The following KLHDC2 variants were observed in gnomAD, a reference collection of about 807,000 sequenced individuals.
KLHDC2 encodes the protein kelch domain containing 2.
Under a neutral mutation model 62.3 loss-of-function variants are expected in KLHDC2, and 38 were observed. The observed-to-expected ratio is 0.61, with a 90% CI of 0.47 to 0.80. The LOEUF is 0.80. Ranked by LOEUF, KLHDC2 falls within the 30% of genes least tolerant of loss-of-function variation. The pLI is 0.00. For missense variants in KLHDC2, 430 were observed against 495.3 expected (o/e 0.87, Z 1.25); for synonymous variants, 159 against 161.0 (o/e 0.99, Z 0.09).
chr14:49,773,423 A>C (rs1889705422), intron 2 of KLHDC2, among the ~76,000 whole-genome samples: 1 of 149,844 alleles, frequency 6.7e-6, no homozygotes, highest in African/African-American at 2.5e-5. Flanking sequence ...CAAAAAAAAA[A>C]AAAAAAAAAT....
At chr14:49,778,774 A>C (rs1486023545) in intron 6 of KLHDC2, among the ~76,000 whole-genome samples, 1 of 150,210 alleles carries the variant, frequency 6.7e-6, no homozygotes, top group African/African-American at 2.5e-5. Context: ...CCTGGGCTGG[A>C]GTGCAGTGGC....
At chr14:49,775,426 G>A (rs1889749828) in intron 3 of KLHDC2, among the ~76,000 whole-genome samples, 1 of 152,148 alleles carries the variant, frequency 6.6e-6, no homozygotes, top group Non-Finnish European at 1.5e-5. Context: ...AGTAGCACCT[G>A]CTAGAGAGAT....
At position 49,780,771 on chromosome 14, in the gene KLHDC2, C is replaced by T. The variant is rs1257034597; in HGVS notation, c.952C>T (p.Pro318Ser). The T allele has an allele frequency of 1.9e-6, 3 of 1,570,152 alleles. No homozygotes were observed. Among genetic ancestry groups the T allele is most frequent in the South Asian group, 1.1e-5 (1 of 90,164 alleles). ...ATTTAATCATCCATATACCGAAAAA[C>T]CAAGGTATTTAAAAGCAATTCATAT... ...IQFNHPYTEK[P>S]RLWHTACASD... is the part of the protein sequence containing the mutation. Residue 318 changes from proline to serine, a missense_variant, in exon 10 of 13, where the codon CCA becomes TCA. Physicochemically the swap from Pro to Ser is moderately conservative, Grantham distance 74. Coordinates refer to ENST00000298307, the MANE Select transcript of KLHDC2 (RefSeq NM_014315.3).
intron 2 of KLHDC2, 59 bp from the exon 3 acceptor site, chr14:49,774,502 T>A (rs890515136): frequency 6.6e-6 from 7 of 1,060,198 alleles, no homozygotes; most frequent in African/African-American, 1.6e-5. Context: ...GAAGAAAAAT[T>A]AATAGACTTT....
chr14:49,778,020 A>T (rs1889809138), intron 4 of KLHDC2, 66 bp downstream of exon 4: 3 of 1,055,394 alleles, frequency 2.8e-6, no homozygotes, highest in Non-Finnish European at 4.3e-6. Context: ...AGGTATCCTT[A>T]GCCAGTAAAC....
rs1446003588 is a variant in KLHDC2 at position 49,784,942 on chromosome 14, A to C, written c.*1989A>C. 1 of 1,613,736 alleles carries C rather than the reference A, an allele frequency of 6.2e-7. No individual in the cohort carries two copies. Among genetic ancestry groups the C allele is most frequent in the Non-Finnish European group, 8.5e-7 (1 of 1,179,776 alleles). On this transcript the variant is annotated 3_prime_UTR_variant, in exon 13 of 13. Transcript: ENST00000298307. ...AACTTTACCTTTACGCTGCGGAATA[A>C]GTCTTTTTCTCTTGCTGTTGCTTCT...
chr14:49,771,524 C>T (rs1211222931), intron 1 of KLHDC2, 70 bp from the exon 2 acceptor site: 5 of 719,720 alleles, frequency 6.9e-6, no homozygotes, highest in South Asian at 3.2e-5. Context: ...ATCTCAAGAT[C>T]GATTTAAAAA....
In KLHDC2 at chr14:49,782,918, C is replaced by G. The variant is rs2139807167; in HGVS notation, c.1186C>G (p.Gln396Glu). 1 of 1,613,684 alleles carries G rather than the reference C, an allele frequency of 6.2e-7. No individual in the cohort carries two copies. Among genetic ancestry groups the G allele is most frequent in the South Asian group, 1.1e-5 (1 of 91,050 alleles). ...AAAACACTTACTTCACAGTGTTAATCAGAGGTTTGGTAGTAACAACACTTC... is the reference window on the plus strand; with the variant it reads ...AAAACACTTACTTCACAGTGTTAATGAGAGGTTTGGTAGTAACAACACTTC... ...LPKHLLHSVN[Q>E]RFGSNNTSGS Residue 396 changes from glutamine to glutamate, a missense_variant, in exon 13 of 13, where the codon CAG becomes GAG. Coordinates refer to ENST00000298307, the MANE Select transcript of KLHDC2 (RefSeq NM_014315.3).
In KLHDC2 at chr14:49,782,571, A is replaced by G; in HGVS notation, c.1074A>G (p.Ser358=). 2 of 1,606,652 alleles carry G rather than the reference A, an allele frequency of 1.2e-6. No individual in the cohort carries two copies. The highest frequency in any genetic ancestry group is 1.7e-6 in the Non-Finnish European group (2 of 1,175,354). Reference sequence around the variant, plus strand: ...ACAGTAATGAAATACTAATATTTTCAGTTCAACCAAAATCTCTTGTACGGT... The same window carrying G: ...ACAGTAATGAAATACTAATATTTTCGGTTCAACCAAAATCTCTTGTACGGT... ...AAHSNEILIF[S]VQPKSLVRLS... Residue 358 remains serine, a synonymous_variant, in exon 12 of 13, where the codon TCA becomes TCG. Transcript: ENST00000298307.
chr14:49,781,914 G>A (rs906335799), intron 10 of KLHDC2, among the ~76,000 whole-genome samples: 1 of 152,136 alleles, frequency 6.6e-6, no homozygotes, highest in Non-Finnish European at 1.5e-5. Context: ...TCTAAACCAA[G>A]TATAGTCATG....
chr14:49,779,476 A>G, intron 6 of KLHDC2, 119 bp from the exon 7 acceptor site: 1 of 667,026 alleles, frequency 1.5e-6, no homozygotes, highest in Non-Finnish European at 2.6e-6. Context: ...CTAGAAGTCT[A>G]CACTCCCAAC....
Position 49,768,401 on chromosome 14 carries a change from C to A in KLHDC2, c.-68C>A. Reference sequence around the variant, plus strand: ...CCTCGCGCCGCTGTGCATTTCTCTCCTTTTCCTTTGTTTTTTTGGCCCCTC... The same window carrying A: ...CCTCGCGCCGCTGTGCATTTCTCTCATTTTCCTTTGTTTTTTTGGCCCCTC... On this transcript the variant is annotated 5_prime_UTR_variant, in exon 1 of 13. Coordinates refer to ENST00000298307, the MANE Select transcript of KLHDC2 (RefSeq NM_014315.3). The A allele has an allele frequency of 1.3e-6, 2 of 1,545,614 alleles. No homozygotes were observed. Among genetic ancestry groups the A allele is most frequent in the Non-Finnish European group, 1.8e-6 (2 of 1,140,766 alleles).
At chr14:49,782,051 C>A (rs1182703713) in intron 10 of KLHDC2, 2 of 260,326 alleles carry the variant, frequency 7.7e-6, no homozygotes, top group Non-Finnish European at 1.4e-5. Flanking sequence ...GTTGGCCCTA[C>A]CTATGGAAGA....
In KLHDC2 at chr14:49,784,532, T is replaced by C; in HGVS notation, c.*1579T>C. On this transcript the variant is annotated 3_prime_UTR_variant, in exon 13 of 13. Transcript: ENST00000298307. ...TGAATATAGCAAGGCAATGTTTAGT[T>C]CATTTTTATAATGCGGAAATCCTGA... 2 of 780,536 alleles carry C rather than the reference T, an allele frequency of 2.6e-6. No individual in the cohort carries two copies. The highest frequency in any genetic ancestry group is 4.2e-6 in the Non-Finnish European group (2 of 474,860). 48.4% of individuals were successfully genotyped at this position (780,536 alleles called of 1,614,324 possible).
chr14:49,781,706 A>AG (rs1308057134), intron 10 of KLHDC2, among the ~76,000 whole-genome samples: 1 of 152,128 alleles, frequency 6.6e-6, no homozygotes, highest in Non-Finnish European at 1.5e-5. Context: ...CTTAAAAAAA[A>AG]AAAAAATACA....
intron 1 of KLHDC2, among the ~76,000 whole-genome samples, chr14:49,770,535 A>G (rs577579378): frequency 2.0e-5 from 3 of 152,214 alleles, no homozygotes; most frequent in Admixed American, 6.5e-5. Context: ...CTGTGTCAAC[A>G]TTGTTCAGAA....
chr14:49,780,480 T>C, intron 9 of KLHDC2, 158 bp downstream of exon 9: 1 of 649,144 alleles, frequency 1.5e-6, no homozygotes, highest in East Asian at 2.7e-5. Context: ...TTGTACTATA[T>C]GGCATACTTC....
chr14:49,782,046 C>T (rs540451101), intron 10 of KLHDC2: 60 of 251,446 alleles, frequency 2.4e-4, no homozygotes, highest in African/African-American at 1.3e-3. Context: ...GGCCAGTTGG[C>T]CCTACCTATG....
Position 49,783,314 on chromosome 14 carries a change from G to T in KLHDC2, c.*361G>T. On this transcript the variant is annotated 3_prime_UTR_variant, in exon 13 of 13. Coordinates refer to ENST00000298307, the MANE Select transcript of KLHDC2 (RefSeq NM_014315.3). ...CATTATAGATTTTTTTTTTTTTAAT[G>T]GCAAGAGTAGTCTATAGTTATGTAA... 1 of 154,576 alleles carries T rather than the reference G, an allele frequency of 6.5e-6. No individual in the cohort carries two copies. The highest frequency in any genetic ancestry group is 1.4e-5 in the Non-Finnish European group (1 of 71,234). The allele number at this position is 154,576 out of a possible 1,614,324, so 9.6% of individuals were successfully genotyped here.
Sources: gnomAD v4.1 joint callset for allele counts (sites outside exome capture counted in the v4.1 genomes callset) on GRCh38, gnomAD v4.1.1 for gene constraint, MANE v1.5 for transcripts, NCBI Gene and HGNC (gene_info 2026-07-23, HGNC 2026-07-21) for gene names.